The following RGS7BP variants were observed in gnomAD, a reference collection of about 807,000 sequenced individuals.
RGS7BP encodes the protein regulator of G protein signaling 7 binding protein.
A neutral mutation model predicts 31.3 loss-of-function variants in RGS7BP; 9 were observed. The observed-to-expected ratio is 0.29, with a 90% confidence interval of 0.17 to 0.50. The LOEUF (loss-of-function observed/expected upper bound fraction) is 0.50. RGS7BP is among the 20% of genes least tolerant of loss of function. RGS7BP has a pLI of 0.98. For missense variants in RGS7BP, 274 were observed against 322.0 expected (o/e 0.85, Z 1.14); for synonymous variants, 115 against 120.1 (o/e 0.96, Z 0.28).
At chr5:64,535,940 T>C (rs1332978508) in intron 2 of RGS7BP, among the ~76,000 whole-genome samples, 6 of 152,220 alleles carry the variant, frequency 3.9e-5, no homozygotes, top group Admixed American at 3.9e-4. Context: ...GACTTAGTTG[T>C]CTGGGGTGTC....
intron 2 of RGS7BP, among the ~76,000 whole-genome samples, chr5:64,565,515 T>TA (rs2111873270): frequency 6.6e-6 from 1 of 152,054 alleles, no homozygotes; most frequent in African/African-American, 2.4e-5. Flanking sequence ...ATAGTTTTTT[T>TA]TAAAAAAAAG....
intron 2 of RGS7BP, among the ~76,000 whole-genome samples, chr5:64,554,754 T>C (rs141570431): frequency 6.6e-6 from 1 of 152,216 alleles, no homozygotes; most frequent in Non-Finnish European, 1.5e-5. Flanking sequence ...GTTAATACCA[T>C]TACCTGTTAA....
intron 2 of RGS7BP, among the ~76,000 whole-genome samples, chr5:64,569,800 C>T (rs981010349): frequency 1.3e-5 from 2 of 152,168 alleles, no homozygotes; most frequent in Non-Finnish European, 1.5e-5. Flanking sequence ...GGAGCTCACT[C>T]TCCTTGGAGA....
intron 5 of RGS7BP, among the ~76,000 whole-genome samples, chr5:64,603,357 G>A (rs186133264): frequency 4.6e-5 from 7 of 152,302 alleles, no homozygotes; most frequent in Admixed American, 3.9e-4. Flanking sequence ...AACAACTTTT[G>A]GACATGGGGG....
At chr5:64,538,970 G>A (rs1741456029) in intron 2 of RGS7BP, among the ~76,000 whole-genome samples, 2 of 152,078 alleles carry the variant, frequency 1.3e-5, no homozygotes, top group African/African-American at 2.4e-5. Context: ...ATTCTGTTGT[G>A]CAGCTGTGCC....
intron 2 of RGS7BP, among the ~76,000 whole-genome samples, chr5:64,563,720 G>A (rs1046948883): frequency 2.0e-5 from 3 of 152,118 alleles, no homozygotes; most frequent in African/African-American, 7.2e-5. Context: ...CTAGTTTGTG[G>A]TAATTTGTCA....
At chr5:64,597,931 A>G (rs1215272982) in intron 4 of RGS7BP, among the ~76,000 whole-genome samples, 1 of 152,222 alleles carries the variant, frequency 6.6e-6, no homozygotes, top group Non-Finnish European at 1.5e-5. Flanking sequence ...AAGTGAATGT[A>G]CATAGCCACT....
At chr5:64,511,579 G>A (rs368641337) in intron 2 of RGS7BP, among the ~76,000 whole-genome samples, 134 of 152,286 alleles carry the variant, frequency 8.8e-4, no homozygotes, top group Middle Eastern at 3.4e-3. Flanking sequence ...ATGTGTCCAC[G>A]TGCCTATCAG....
chr5:64,572,925 G>A lies in RGS7BP; in HGVS notation c.333-2849G>A, dbSNP rs546332070. ...GCTGGTGTGCTGCACCCATTAACTC[G>A]TCATTTAGCATTAGGTATATCTCCT... On this transcript the variant is annotated intron_variant, in intron 2 of 5. Coordinates refer to ENST00000334025, the MANE Select transcript of RGS7BP (RefSeq NM_001029875.3). Among the ~76,000 whole-genome samples, 122 of 147,922 alleles carry A rather than the reference G, an allele frequency of 8.2e-4. 1 individual carries two copies. The highest frequency in any genetic ancestry group is 2.7e-3 in the African/African-American group (110 of 40,116).
At chr5:64,572,777 G>C (rs957706610) in intron 2 of RGS7BP, among the ~76,000 whole-genome samples, 1 of 150,964 alleles carries the variant, frequency 6.6e-6, no homozygotes, top group Non-Finnish European at 1.5e-5. Flanking sequence ...TTTTGAATTA[G>C]GCATTTTAAT....
intron 2 of RGS7BP, among the ~76,000 whole-genome samples, chr5:64,523,591 A>G (rs192752538): frequency 3.9e-4 from 59 of 152,246 alleles, no homozygotes; most frequent in Non-Finnish European, 5.7e-4. Flanking sequence ...GACCTTTATC[A>G]CCTTCTTTCT....
intron 3 of RGS7BP, among the ~76,000 whole-genome samples, chr5:64,591,999 C>A (rs964527249): frequency 6.6e-6 from 1 of 152,048 alleles, no homozygotes; most frequent in Non-Finnish European, 1.5e-5. Context: ...AACTAGTAAG[C>A]AAATACATAA....
At chr5:64,545,272 G>A (rs1275367915) in intron 2 of RGS7BP, among the ~76,000 whole-genome samples, 2 of 152,078 alleles carry the variant, frequency 1.3e-5, no homozygotes, top group Non-Finnish European at 2.9e-5. Context: ...TGTGAGATGG[G>A]GGAGTGGGGA....
rs372314431 is a variant in RGS7BP, at chr5:64,572,875, T to A, written c.333-2899T>A. ...GGTACATGTGCATAATGTGCAGGTT[T>A]GTTACATATGTATACATGTGCCATG... On this transcript the variant is annotated intron_variant, in intron 2 of 5. Coordinates refer to ENST00000334025, the MANE Select transcript of RGS7BP (RefSeq NM_001029875.3). Among the ~76,000 whole-genome samples, 44 of 151,520 alleles carry A rather than the reference T, an allele frequency of 2.9e-4. No individual in the cohort carries two copies. The East Asian group carries it at 8.4e-3, about 29-fold the overall frequency.
intron 2 of RGS7BP, among the ~76,000 whole-genome samples, 187 bp downstream of exon 2, chr5:64,508,064 G>T (rs1561316760): frequency 6.6e-6 from 1 of 152,076 alleles, no homozygotes; most frequent in Non-Finnish European, 1.5e-5. Context: ...TGTCATTCTT[G>T]CATATATGTA....
At chr5:64,602,894 A>C (rs1743256696) in intron 5 of RGS7BP, among the ~76,000 whole-genome samples, 1 of 152,248 alleles carries the variant, frequency 6.6e-6, no homozygotes. Flanking sequence ...GAGAATTTTT[A>C]GGATGAGTAG....
Position 64,519,698 on chromosome 5 carries a change from G to A in RGS7BP, c.332+11821G>A, listed in dbSNP as rs117981454. Among the ~76,000 whole-genome samples, 93 of 152,316 alleles carry A rather than the reference G, an allele frequency of 6.1e-4. No individual in the cohort carries two copies. The East Asian group carries it at 0.012, about 19-fold the overall frequency. On this transcript the variant is annotated intron_variant, in intron 2 of 5. Transcript: ENST00000334025. Reference sequence around the variant, plus strand: ...ATGTGCTAAGAGCCAACTATGTGCTGTTCCCTTTGCACATATAATTCATGT... The same window carrying A: ...ATGTGCTAAGAGCCAACTATGTGCTATTCCCTTTGCACATATAATTCATGT...
chr5:64,525,210 G>A (rs1266723083), intron 2 of RGS7BP, among the ~76,000 whole-genome samples: 1 of 152,074 alleles, frequency 6.6e-6, no homozygotes, highest in Non-Finnish European at 1.5e-5. Flanking sequence ...GCAAATACTG[G>A]TGATGGAGGT....
In RGS7BP at chr5:64,556,416, G is replaced by GCC. The variant is rs1211040270; in HGVS notation, c.333-19357_333-19356dup. On this transcript the variant is annotated intron_variant, in intron 2 of 5. Coordinates refer to ENST00000334025, the MANE Select transcript of RGS7BP (RefSeq NM_001029875.3). ...AAAAAAAAAAAAGCAATCTTCCCCA[G>GCC]CCACACACACACACACACACACACA... is the stretch of plus-strand genomic sequence containing the variant. 3.3e-3 allele frequency among the ~76,000 whole-genome samples: 241 copies of GCC among 72,472 alleles called. 1 individual carries two copies. The highest frequency in any genetic ancestry group is 0.012 in the African/African-American group (221 of 18,458). The allele number at this position is 72,472 out of a possible 152,430, so 47.5% of individuals were successfully genotyped here. A position where few individuals can be genotyped will look rare whatever the true frequency, so the allele number is the denominator to read the frequency against.
Sources: gnomAD v4.1 joint callset for allele counts (sites outside exome capture counted in the v4.1 genomes callset) on GRCh38, gnomAD v4.1.1 for gene constraint, MANE v1.5 for transcripts, NCBI Gene and HGNC (gene_info 2026-07-23, HGNC 2026-07-21) for gene names.